ZNF469: variants seen among roughly 807,000 people sequenced by gnomAD.
ZNF469 encodes zinc finger protein 469.
In ZNF469, 1 loss-of-function variant was observed where a neutral mutation model predicts 1.0. The observed-to-expected ratio is 1.00, with a 90% CI of 0.35 to 4.73. ZNF469 has a LOEUF of 4.73. ZNF469 is among the 30% of genes most tolerant of loss of function. The probability of loss-of-function intolerance (pLI) is 0.16; values close to 1 mark genes in which losing one functional copy is unlikely to be tolerated. For missense variants in ZNF469, 6,100 were observed against 5,356.3 expected (o/e 1.14, Z -4.33); for synonymous variants, 2,703 against 2,363.4 (o/e 1.14, Z -4.17).
chr16:88,274,025 G>T, the ZNF469 span, among the ~76,000 whole-genome samples: 74 of 152,224 alleles, frequency 4.9e-4, no homozygotes, highest in African/African-American at 1.6e-3. Flanking sequence ...TGATGGTCTC[G>T]ATCTCCTGAC....
chr16:88,210,134 G>A, the ZNF469 span, among the ~76,000 whole-genome samples: 1 of 152,066 alleles, frequency 6.6e-6, no homozygotes, highest in Non-Finnish European at 1.5e-5. Flanking sequence ...TGACATTTCT[G>A]TTTTGAGTGA....
chr16:88,401,697 G>GGATAGATGGTA (rs2142274632), intron 1 of ZNF469, among the ~76,000 whole-genome samples: 1 of 126,966 alleles, frequency 7.9e-6, no homozygotes, highest in East Asian at 2.2e-4. Flanking sequence ...ATGGATGGAT[G>GGATAGATGGTA]GATGGATATA....
chr16:88,177,358 T>C, the ZNF469 span: 2 of 152,228 alleles, frequency 1.3e-5, no homozygotes, highest in Non-Finnish European at 1.5e-5. The surrounding 1 kb of genome is among the most constrained non-coding windows in gnomAD (Gnocchi z 4.8). Context: ...GCTTGTGGAA[T>C]GCTCCCCTCT....
chr16:88,409,103 G>T (rs1905081437), intron 1 of ZNF469, among the ~76,000 whole-genome samples: 1 of 152,222 alleles, frequency 6.6e-6, no homozygotes, highest in Non-Finnish European at 1.5e-5. Flanking sequence ...CTCTGCTGCA[G>T]GGAGGGTCAT....
chr16:88,438,111 C>T lies in ZNF469; in HGVS notation c.10641C>T (p.His3547=). 2 of 1,550,438 alleles carry T rather than the reference C, an allele frequency of 1.3e-6. No homozygotes were observed. Among genetic ancestry groups the T allele is most frequent in the Non-Finnish European group, 1.7e-6 (2 of 1,146,976 alleles). Residue 3547 remains histidine (H), a synonymous_variant, in exon 3 of 3, where the codon CAC becomes CAT. Coordinates refer to ENST00000565624, the MANE Select transcript of ZNF469 (RefSeq NM_001367624.2). ...PIRGCELPSN[H]QECPPPSLSP... ...GAGGTTGTGAGCTGCCATCCAACCA[C>T]CAGGAGTGTCCCCCGCCGTCTCTGT...
chr16:88,308,609 C>T, the ZNF469 span, among the ~76,000 whole-genome samples: 3 of 152,184 alleles, frequency 2.0e-5, no homozygotes, highest in African/African-American at 7.2e-5. Flanking sequence ...GATTCCTTCT[C>T]TTCTTCACTG....
In ZNF469 at chr16:88,429,219, A is replaced by T; in HGVS notation, c.1749A>T (p.Val583=). Residue 583 remains valine, a synonymous_variant, in exon 3 of 3, where the codon GTA becomes GTT. Coordinates refer to ENST00000565624, the MANE Select transcript of ZNF469 (RefSeq NM_001367624.2). ...HGTPSLPPPR[V]VGASPSESPL... ...CACCCAGCCTGCCCCCACCGAGGGT[A>T]GTGGGAGCCTCCCCCAGCGAGTCCC... is the stretch of plus-strand genomic sequence containing the variant. The T allele has an allele frequency of 6.5e-7, 1 of 1,549,544 alleles. No homozygotes were observed. The highest frequency in any genetic ancestry group is 8.7e-7 in the Non-Finnish European group (1 of 1,146,706).
At chr16:88,129,116 T>A in the ZNF469 span, among the ~76,000 whole-genome samples, 3 of 152,244 alleles carry the variant, frequency 2.0e-5, no homozygotes, top group Non-Finnish European at 4.4e-5. Flanking sequence ...AAACTCCAAC[T>A]ATCAAAAAGT....
At chr16:88,161,998 C>T in the ZNF469 span, among the ~76,000 whole-genome samples, 1 of 152,172 alleles carries the variant, frequency 6.6e-6, no homozygotes, top group African/African-American at 2.4e-5. Context: ...TGGAAAGAAT[C>T]ACAAATAGAG....
chr16:88,273,349 AT>A, the ZNF469 span, among the ~76,000 whole-genome samples: 15 of 151,758 alleles, frequency 9.9e-5, no homozygotes, highest in Admixed American at 9.8e-4. Context: ...CCAACAAAGG[AT>A]TTTTATATAG....
chr16:88,133,925 C>G, the ZNF469 span, among the ~76,000 whole-genome samples: 3 of 152,160 alleles, frequency 2.0e-5, no homozygotes, highest in Non-Finnish European at 4.4e-5. Context: ...GAAACCCTGT[C>G]TCTACTAAAA....
the ZNF469 span, among the ~76,000 whole-genome samples, chr16:88,309,033 C>T: frequency 9.2e-5 from 14 of 151,948 alleles, no homozygotes; most frequent in Non-Finnish European, 7.4e-5. Context: ...TTTCCTCTCC[C>T]CTGCCCAGGG....
the ZNF469 span, among the ~76,000 whole-genome samples, chr16:88,161,289 G>A: frequency 6.6e-6 from 1 of 152,164 alleles, no homozygotes; most frequent in African/African-American, 2.4e-5. Flanking sequence ...CTCCCTAAAC[G>A]GTGACGATCT....
At chr16:88,185,909 C>T in the ZNF469 span, among the ~76,000 whole-genome samples, 1 of 151,710 alleles carries the variant, frequency 6.6e-6, no homozygotes, top group East Asian at 1.9e-4. Context: ...GACCCACAGA[C>T]ACACACATTC....
chr16:88,263,597 G>C, the ZNF469 span, among the ~76,000 whole-genome samples: 10 of 152,176 alleles, frequency 6.6e-5, no homozygotes, highest in Non-Finnish European at 1.5e-4. Context: ...TGAGGAGGGT[G>C]GATTGGGACT....
At chr16:88,254,747 A>G in the ZNF469 span, among the ~76,000 whole-genome samples, 1 of 152,258 alleles carries the variant, frequency 6.6e-6, no homozygotes, top group East Asian at 1.9e-4. Context: ...GACAAGAGTG[A>G]AACTCTGTCT....
chr16:88,430,424 G>A lies in ZNF469; in HGVS notation c.2954G>A (p.Gly985Asp). Residue 985 changes from glycine to aspartate, a missense_variant, in exon 3 of 3, where the codon GGT (glycine) becomes GAT (aspartate). Coordinates refer to ENST00000565624, the MANE Select transcript of ZNF469 (RefSeq NM_001367624.2). The stretch of plus-strand genomic sequence containing the variant: ...GGCCTGAGGCCCCGGAGGAACGACG[G>A]TCTCGGGGAGCGGCCCCCACCCCGT... ...ASGLRPRRND[G>D]LGERPPPRPR... is the part of the protein sequence containing the mutation. The A allele has an allele frequency of 2.6e-6, 4 of 1,518,620 alleles. No homozygotes were observed. Among genetic ancestry groups the A allele is most frequent in the Non-Finnish European group, 3.5e-6 (4 of 1,137,762 alleles). The allele number at this position is 1,518,620 out of a possible 1,614,324, so 94.1% of individuals were successfully genotyped here. A position where few individuals can be genotyped will look rare whatever the true frequency, so the allele number is the denominator to read the frequency against.
chr16:88,315,692 G>A, the ZNF469 span, among the ~76,000 whole-genome samples: 1 of 152,168 alleles, frequency 6.6e-6, no homozygotes, highest in Non-Finnish European at 1.5e-5. Flanking sequence ...GGGGGAGGGA[G>A]GACCCTCACT....
chr16:88,354,934 G>A, the ZNF469 span, among the ~76,000 whole-genome samples: 2 of 152,210 alleles, frequency 1.3e-5, no homozygotes, highest in Non-Finnish European at 2.9e-5. Context: ...CTCCAGTGGG[G>A]GCAGGGGGCT....
Sources: allele counts gnomAD v4.1 joint callset (sites outside exome capture counted in the v4.1 genomes callset), GRCh38; gene constraint gnomAD v4.1.1; non-coding constraint Gnocchi (gnomAD v3.1); transcripts MANE v1.5; gene names NCBI Gene and HGNC (gene_info 2026-07-23, HGNC 2026-07-21).